The following TWIST2 variants were observed in gnomAD, a reference collection of about 807,000 sequenced individuals.
TWIST2 encodes the protein twist family bHLH transcription factor 2, also known as twist-related protein 2.
In TWIST2, 1 loss-of-function variant was observed where a neutral mutation model predicts 11.6. The ratio of observed to expected loss-of-function variants is 0.09; its 90% CI spans 0.03 to 0.41. TWIST2 has a LOEUF of 0.41. TWIST2 is among the 10% of genes least tolerant of loss of function. The probability of loss-of-function intolerance (pLI) is 0.98; values close to 1 mark genes in which losing one functional copy is unlikely to be tolerated. For missense variants in TWIST2, 168 were observed against 226.4 expected, an observed-to-expected ratio of 0.74 and a Z score of 1.66; for synonymous variants, 87 against 96.6, an observed-to-expected ratio of 0.90 and a Z score of 0.58.
intron 1 of TWIST2, among the ~76,000 whole-genome samples, chr2:238,907,810 C>T (rs1053712891): frequency 0.014 from 2,061 of 148,082 alleles, 42 homozygotes; most frequent in African/African-American, 0.048. Context: ...ACACACCACG[C>T]GCCACACAAA....
intron 1 of TWIST2, among the ~76,000 whole-genome samples, chr2:238,900,029 G>A (rs878931978): frequency 0.36 from 54,376 of 151,920 alleles, 9,881 homozygotes; most frequent in Middle Eastern, 0.5. Context: ...TTTAAATTCT[G>A]GAATAGTTTA....
intron 1 of TWIST2, among the ~76,000 whole-genome samples, chr2:238,862,297 T>C (rs1692449714): frequency 1.3e-5 from 2 of 152,184 alleles, no homozygotes; most frequent in South Asian, 4.1e-4. Flanking sequence ...CAATCAAAAA[T>C]TTTAGAAGAA....
intron 1 of TWIST2, among the ~76,000 whole-genome samples, chr2:238,879,675 GCA>G (rs1692870747): frequency 6.6e-6 from 1 of 152,214 alleles, no homozygotes; most frequent in South Asian, 2.1e-4. Flanking sequence ...TGGCCATCCT[GCA>G]CCAGCTGGGT....
intron 1 of TWIST2, among the ~76,000 whole-genome samples, chr2:238,903,591 GGTA>G (rs1293739108): frequency 1.8e-5 from 2 of 112,206 alleles, no homozygotes; most frequent in African/African-American, 6.8e-5. Context: ...GTATGTTTGA[GGTA>G]GTGTGTGTGT....
chr2:238,858,254 A>G (rs1190583479), intron 1 of TWIST2, among the ~76,000 whole-genome samples: 1 of 152,242 alleles, frequency 6.6e-6, no homozygotes. Context: ...ATGTGAAACC[A>G]TAATTAACTA....
intron 1 of TWIST2, among the ~76,000 whole-genome samples, chr2:238,904,866 AAAAG>A (rs1693322167): frequency 6.6e-6 from 1 of 152,084 alleles, no homozygotes; most frequent in Non-Finnish European, 1.5e-5. Context: ...ATAAATGGAT[AAAAG>A]GAAGGAAGGA....
In TWIST2 at chr2:238,866,526, G is replaced by T. The variant is rs1692537214; in HGVS notation, c.*35+17793G>T. Among the ~76,000 whole-genome samples the T allele has an allele frequency of 6.6e-6, 1 of 152,210 alleles. No individual in the cohort carries two copies. Among genetic ancestry groups the T allele is most frequent in the Non-Finnish European group, 1.5e-5 (1 of 68,032 alleles). ...AGAAAAATTAGCTGGGCATGGTGGT[G>T]TGTGCCTGTAATCCCAGCTACCTGG... On this transcript the variant is annotated intron_variant, in intron 1 of 1. Coordinates refer to ENST00000612363, the MANE Select transcript of TWIST2 (RefSeq NM_001271893.4). The surrounding 1 kb of genome is among the most constrained non-coding windows in gnomAD (Gnocchi z 4.9).
At chr2:238,908,615 G>A (rs957350541) in intron 1 of TWIST2, among the ~76,000 whole-genome samples, 1 of 152,196 alleles carries the variant, frequency 6.6e-6, no homozygotes, top group Non-Finnish European at 1.5e-5. Context: ...ATATAATGTG[G>A]TATATAATAT....
At chr2:238,891,834 C>A (rs1693139287) in intron 1 of TWIST2, among the ~76,000 whole-genome samples, 1 of 152,070 alleles carries the variant, frequency 6.6e-6, no homozygotes, top group South Asian at 2.1e-4. Context: ...TCCTAGAGAC[C>A]CAGGCGCTGG....
chr2:238,849,278 G>A (rs564308698), intron 1 of TWIST2, among the ~76,000 whole-genome samples: 91 of 152,354 alleles, frequency 6.0e-4, no homozygotes, highest in African/African-American at 2.1e-3. Flanking sequence ...GTCCCCGGCC[G>A]TCGGCGCCCT....
Position 238,848,718 on chromosome 2 carries a change from G to C in TWIST2, c.*20G>C. 6.8e-7 allele frequency: 1 copy of C among 1,480,196 alleles called. No individual in the cohort carries two copies. The highest frequency in any genetic ancestry group is 2.0e-4 in the Middle Eastern group (1 of 5,120). 91.7% of individuals were successfully genotyped at this position (1,480,196 alleles called of 1,614,324 possible). ...CACTAGCGCCGCGCCACCCACCTCC[G>C]GACCGGCGCGCCAGGGTAGGTGCTG... On this transcript the variant is annotated 3_prime_UTR_variant, in exon 1 of 2. Coordinates refer to ENST00000612363, the MANE Select transcript of TWIST2 (RefSeq NM_001271893.4).
At chr2:238,860,666 A>G (rs1268951778) in intron 1 of TWIST2, among the ~76,000 whole-genome samples, 2 of 152,142 alleles carry the variant, frequency 1.3e-5, no homozygotes, top group Admixed American at 1.3e-4. Flanking sequence ...GGCCAGGCGC[A>G]GTGGCTCACG....
chr2:238,891,017 G>C (rs184578451), intron 1 of TWIST2, among the ~76,000 whole-genome samples: 2 of 152,158 alleles, frequency 1.3e-5, no homozygotes, highest in East Asian at 1.9e-4. Flanking sequence ...TCCTGTTCTC[G>C]GATCCCCCGA....
At position 238,864,330 on chromosome 2, in the gene TWIST2, TAAAG is replaced by T. The variant is rs1258533822; in HGVS notation, c.*35+15601_*35+15604del. Among the ~76,000 whole-genome samples, 4 of 152,230 alleles carry T rather than the reference TAAAG, an allele frequency of 2.6e-5. No homozygotes were observed. The highest frequency in any genetic ancestry group is 7.2e-5 in the African/African-American group (3 of 41,536). On this transcript the variant is annotated intron_variant, in intron 1 of 1. Coordinates refer to ENST00000612363, the MANE Select transcript of TWIST2 (RefSeq NM_001271893.4). The surrounding 1 kb of genome is among the most constrained non-coding windows in gnomAD (Gnocchi z 4.7). ...ACAGATGCTCACTGCTGTAGAGACA[TAAAG>T]AAACCAAGAGGTTAACTGCCAGGGT...
intron 1 of TWIST2, among the ~76,000 whole-genome samples, chr2:238,902,659 GAT>G (rs1482548218): frequency 1.4e-5 from 2 of 142,112 alleles, no homozygotes; most frequent in Non-Finnish European, 3.1e-5. Flanking sequence ...GTGTGTGTGT[GAT>G]GTGTGTGTGA....
At chr2:238,905,639 G>A (rs892503817) in intron 1 of TWIST2, among the ~76,000 whole-genome samples, 2 of 152,150 alleles carry the variant, frequency 1.3e-5, no homozygotes, top group Admixed American at 1.3e-4. Flanking sequence ...CCCTTGGAGG[G>A]TTGGTTCAGC....
chr2:238,852,219 G>T (rs1692254556), intron 1 of TWIST2, among the ~76,000 whole-genome samples: 2 of 152,006 alleles, frequency 1.3e-5, no homozygotes, highest in African/African-American at 4.8e-5. Context: ...GTTTAAATCT[G>T]GGCTTTAAAA....
chr2:238,867,751 C>T lies in TWIST2; in HGVS notation c.*35+19018C>T, dbSNP rs574323171. On this transcript the variant is annotated intron_variant, in intron 1 of 1. Transcript: ENST00000612363. This position sits in a 1 kb window ranked among gnomAD's most constrained non-coding sequence, Gnocchi z 4.8. ...CTAGAAACTGAAAAGGCAGTCACAT[C>T]CTCATCAGAAAGAAATTGATGGTGA... 6.6e-6 allele frequency among the ~76,000 whole-genome samples: 1 copy of T among 152,274 alleles called. No individual in the cohort carries two copies. The highest frequency in any genetic ancestry group is 2.1e-4 in the South Asian group (1 of 4,824).
intron 1 of TWIST2, among the ~76,000 whole-genome samples, chr2:238,855,624 CT>C (rs1185730184): frequency 1.2e-4 from 19 of 152,310 alleles, no homozygotes; most frequent in Admixed American, 1.2e-3. Context: ...TGCATATACT[CT>C]TCTATATTCT....
Sources: allele counts gnomAD v4.1 joint callset (sites outside exome capture counted in the v4.1 genomes callset), GRCh38; gene constraint gnomAD v4.1.1; non-coding constraint Gnocchi (gnomAD v3.1); transcripts MANE v1.5; gene names NCBI Gene and HGNC (gene_info 2026-07-23, HGNC 2026-07-21).